The following ASPH variants were observed in gnomAD, a reference collection of about 807,000 sequenced individuals.
ASPH encodes the protein aspartate beta-hydroxylase, also known as aspartyl/asparaginyl beta-hydroxylase.
A neutral mutation model predicts 118.4 loss-of-function variants in ASPH; 100 were observed. That is an observed-to-expected ratio of 0.84 (90% CI 0.72 to 1.00). ASPH has a LOEUF of 1.00. Among genes scored for constraint, ASPH ranks in the 50% least tolerant of loss-of-function variants. ASPH has a pLI of 0.00. For synonymous variants in ASPH, 315 were observed against 325.6 expected (o/e 0.97, Z 0.35); for missense variants, 920 against 919.5 (o/e 1.00, Z -0.01).
chr8:61,568,649 T>C (rs1832554734), intron 16 of ASPH, among the ~76,000 whole-genome samples: 1 of 152,000 alleles, frequency 6.6e-6, no homozygotes, highest in African/African-American at 2.4e-5. Context: ...AGGATGAAGA[T>C]GGTATGTAAA....
chr8:61,622,517 C>T (rs979904541), intron 13 of ASPH, among the ~76,000 whole-genome samples: 1 of 152,198 alleles, frequency 6.6e-6, no homozygotes, highest in African/African-American at 2.4e-5. Flanking sequence ...TTCCCTGCAC[C>T]AGGACATGAG....
intron 19 of ASPH, among the ~76,000 whole-genome samples, chr8:61,553,738 G>C (rs1006717527): frequency 9.2e-5 from 14 of 152,030 alleles, no homozygotes; most frequent in Non-Finnish European, 2.1e-4. Context: ...CTGAAATTGA[G>C]ATTGATGAAC....
At chr8:61,554,511 T>C (rs1586982752) in intron 19 of ASPH, among the ~76,000 whole-genome samples, 1 of 152,228 alleles carries the variant, frequency 6.6e-6, no homozygotes, top group Non-Finnish European at 1.5e-5. Flanking sequence ...TAATTAGCTA[T>C]GTCCAATATG....
chr8:61,615,538 G>A (rs1254926753), intron 14 of ASPH, among the ~76,000 whole-genome samples: 5 of 152,218 alleles, frequency 3.3e-5, no homozygotes, highest in African/African-American at 9.7e-5. Flanking sequence ...CTAAAACAGA[G>A]CCTGGACATC....
chr8:61,668,300 T>C (rs1182456732), intron 3 of ASPH: 2 of 1,591,306 alleles, frequency 1.3e-6, no homozygotes, highest in African/African-American at 1.3e-5. Context: ...AAGATGAAAA[T>C]AGGTTATAAA....
chr8:61,547,446 T>C (rs542576068), intron 21 of ASPH, among the ~76,000 whole-genome samples: 2 of 152,324 alleles, frequency 1.3e-5, no homozygotes, highest in Non-Finnish European at 2.9e-5. Context: ...AGATCAAAAC[T>C]ACTTTCTTAA....
rs764264644 is a variant in ASPH at position 61,579,822 on chromosome 8, AC to A, written c.1063-2965del. Among the ~76,000 whole-genome samples the A allele has an allele frequency of 9.1e-5, 13 of 142,390 alleles. No homozygotes were observed. In the East Asian group the frequency reaches 1.7e-3, roughly 18 times the overall value. 93.4% of individuals were successfully genotyped at this position (142,390 alleles called of 152,430 possible). Reference sequence around the variant, plus strand: ...CACCTGGGGAGTTTACTACCTGGGGACCCCCCTTGCCCATGCCTCCAGCTAC... The same window carrying A: ...CACCTGGGGAGTTTACTACCTGGGGACCCCCTTGCCCATGCCTCCAGCTAC... On this transcript the variant is annotated intron_variant, in intron 15 of 24. Transcript: ENST00000379454.
rs538416983 is a variant in ASPH, at chr8:61,638,774, G to A, written c.791-411C>T. ...TGCCGCCAGCCCCTGAGAATGAAGC[G>A]TTCCCCACCCTAATTAGGGCGTGCT... On this transcript the variant is annotated intron_variant, in intron 10 of 24. Coordinates refer to ENST00000379454, the MANE Select transcript of ASPH (RefSeq NM_004318.4). 1.2e-4 allele frequency among the ~76,000 whole-genome samples: 18 copies of A among 152,202 alleles called. No individual in the cohort carries two copies. The East Asian group carries it at 2.1e-3, about 18-fold the overall frequency.
intron 13 of ASPH, among the ~76,000 whole-genome samples, chr8:61,627,868 A>G (rs1008073371): frequency 2.6e-5 from 4 of 152,084 alleles, no homozygotes; most frequent in African/African-American, 9.7e-5. Context: ...TGCCTTCTCT[A>G]TCTCCATTAA....
intron 24 of ASPH, among the ~76,000 whole-genome samples, chr8:61,514,361 G>A (rs1319096016): frequency 6.6e-6 from 1 of 151,728 alleles, no homozygotes; most frequent in Non-Finnish European, 1.5e-5. Flanking sequence ...ACCCAGGCTG[G>A]AGTGCAGTGG....
intron 21 of ASPH, among the ~76,000 whole-genome samples, chr8:61,543,227 T>A (rs1185486061): frequency 3.3e-5 from 5 of 152,176 alleles, no homozygotes; most frequent in Non-Finnish European, 7.4e-5. Flanking sequence ...CTGCCACCTC[T>A]CTTTCTTCCC....
At chr8:61,648,108 C>A (rs1302311427) in intron 5 of ASPH, among the ~76,000 whole-genome samples, 2 of 152,170 alleles carry the variant, frequency 1.3e-5, no homozygotes, top group Non-Finnish European at 2.9e-5. Flanking sequence ...TACTTAACTA[C>A]CCTGTGCCAC....
At chr8:61,605,063 C>G (rs907161090) in intron 14 of ASPH, among the ~76,000 whole-genome samples, 1 of 152,182 alleles carries the variant, frequency 6.6e-6, no homozygotes, top group Non-Finnish European at 1.5e-5. Flanking sequence ...TACAAGCATT[C>G]CTCAAATAGC....
At chr8:61,619,641 C>T (rs1469036730) in intron 13 of ASPH, among the ~76,000 whole-genome samples, 2 of 152,302 alleles carry the variant, frequency 1.3e-5, no homozygotes, top group African/African-American at 2.4e-5. Context: ...AGGACAGTGA[C>T]ACCCACCAAC....
intron 3 of ASPH, chr8:61,659,527 G>C (rs765920970): frequency 6.6e-6 from 1 of 152,122 alleles, no homozygotes; most frequent in Non-Finnish European, 1.5e-5. Flanking sequence ...CACTAAATGA[G>C]AACAAAGAAA....
intron 3 of ASPH, among the ~76,000 whole-genome samples, chr8:61,666,514 T>C (rs1317020713): frequency 1.3e-5 from 2 of 152,204 alleles, no homozygotes; most frequent in East Asian, 3.8e-4. Context: ...AATATTTCTT[T>C]AATATAATAA....
intron 1 of ASPH, among the ~76,000 whole-genome samples, chr8:61,704,225 A>C (rs923382304): frequency 3.6e-5 from 5 of 140,702 alleles, no homozygotes; most frequent in Non-Finnish European, 7.8e-5. Flanking sequence ...AAAAAAAAAA[A>C]AAAAAAAACA....
Position 61,517,971 on chromosome 8 carries a change from G to C in ASPH, c.1992+61C>G. The C allele has an allele frequency of 2.7e-6, 4 of 1,490,718 alleles. No homozygotes were observed. The South Asian group carries it at 3.6e-5, about 13-fold the overall frequency. The allele number at this position is 1,490,718 out of a possible 1,614,324, so 92.3% of individuals were successfully genotyped here. A position where few individuals can be genotyped will look rare whatever the true frequency, so the allele number is the denominator to read the frequency against. Reference sequence around the variant, plus strand: ...AGGAAACAACCATTTCTTTGTAAAGGTCAACACGCCCTTATTCCTAACAAT... The same window carrying C: ...AGGAAACAACCATTTCTTTGTAAAGCTCAACACGCCCTTATTCCTAACAAT... On this transcript the variant is annotated intron_variant, in intron 23 of 24. Transcript: ENST00000379454.
At chr8:61,568,231 A>C (rs1024025453) in intron 16 of ASPH, among the ~76,000 whole-genome samples, 5 of 152,204 alleles carry the variant, frequency 3.3e-5, no homozygotes, top group Non-Finnish European at 7.3e-5. Context: ...GGAGAGGCAG[A>C]ACACTCCAGC....
Sources: gnomAD v4.1 joint callset for allele counts (sites outside exome capture counted in the v4.1 genomes callset) on GRCh38, gnomAD v4.1.1 for gene constraint, MANE v1.5 for transcripts, NCBI Gene and HGNC (gene_info 2026-07-23, HGNC 2026-07-21) for gene names.